The following DIP2B variants were observed in gnomAD, a reference collection of about 807,000 sequenced individuals.
The protein encoded by DIP2B is DIP2 acetate--CoA ligase B (putative).
In DIP2B, 76 loss-of-function variants were observed where a neutral mutation model predicts 198.0. The observed-to-expected ratio is 0.38, with a 90% CI of 0.32 to 0.46. DIP2B has a LOEUF of 0.46. Ranked by LOEUF, DIP2B falls within the 20% of genes least tolerant of loss-of-function variation. The probability of loss-of-function intolerance (pLI) is 0.99; values close to 1 mark genes in which losing one functional copy is unlikely to be tolerated. For synonymous variants in DIP2B, 701 were observed against 739.1 expected (o/e 0.95, Z 0.84); for missense variants, 1,559 against 1,978.4 (o/e 0.79, Z 4.02).
At chr12:50,616,331 G>A (rs1182829699) in intron 1 of DIP2B, among the ~76,000 whole-genome samples, 1 of 152,210 alleles carries the variant, frequency 6.6e-6, no homozygotes, top group Admixed American at 6.5e-5. Context: ...TGTAAGATTA[G>A]CAAAGTTGAG....
chr12:50,561,568 C>T (rs1958519637), intron 1 of DIP2B, among the ~76,000 whole-genome samples: 1 of 152,140 alleles, frequency 6.6e-6, no homozygotes, highest in South Asian at 2.1e-4. Context: ...GGAAACGATA[C>T]TCCCGAAGAT....
intron 1 of DIP2B, among the ~76,000 whole-genome samples, chr12:50,531,479 A>G (rs1958216568): frequency 1.3e-5 from 2 of 152,312 alleles, no homozygotes; most frequent in South Asian, 4.1e-4. Flanking sequence ...GAAGAGCAAA[A>G]CAACAAGGAG....
At chr12:50,584,091 ACT>A (rs1013814897) in intron 1 of DIP2B, among the ~76,000 whole-genome samples, 1 of 151,150 alleles carries the variant, frequency 6.6e-6, no homozygotes, top group African/African-American at 2.4e-5. Context: ...CTTTATTTAC[ACT>A]CTCTCCCATG....
chr12:50,743,734 G>C (rs955508755), intron 37 of DIP2B: 2 of 152,102 alleles, frequency 1.3e-5, no homozygotes, highest in Admixed American at 6.5e-5. Flanking sequence ...CAAATAACAG[G>C]CTCCCTTCAA....
intron 1 of DIP2B, among the ~76,000 whole-genome samples, chr12:50,591,501 G>A (rs1565836140): frequency 1.3e-5 from 2 of 151,914 alleles, no homozygotes; most frequent in African/African-American, 4.8e-5. Flanking sequence ...ACAGTGGCAT[G>A]ATCTCAGCTC....
At chr12:50,640,914 A>G (rs1233812934) in intron 3 of DIP2B, 62 bp downstream of exon 3, 7 of 1,546,790 alleles carry the variant, frequency 4.5e-6, no homozygotes, top group South Asian at 1.2e-5. Context: ...TGAACTGTGT[A>G]TCCTGAGAGC....
At chr12:50,523,859 T>C (rs1367255940) in intron 1 of DIP2B, among the ~76,000 whole-genome samples, 1 of 152,182 alleles carries the variant, frequency 6.6e-6, no homozygotes, top group Non-Finnish European at 1.5e-5. Flanking sequence ...TAGGACTCCA[T>C]AGGACATCAG....
intron 4 of DIP2B, among the ~76,000 whole-genome samples, chr12:50,663,253 G>A (rs911859018): frequency 1.3e-5 from 2 of 151,314 alleles, no homozygotes; most frequent in African/African-American, 2.4e-5. Flanking sequence ...AGTGAACCCC[G>A]TCTCTACTAA....
chr12:50,646,576 C>T lies in DIP2B; in HGVS notation c.301+5724C>T, dbSNP rs551703917. Among the ~76,000 whole-genome samples the T allele has an allele frequency of 7.2e-5, 11 of 152,162 alleles. No homozygotes were observed. The South Asian group carries it at 1.2e-3, about 17-fold the overall frequency. ...AGCTAGGATTACAGGCACATACCAC[C>T]GTGCCCAGCTAATTTTTGTATTTTT... On this transcript the variant is annotated intron_variant, in intron 3 of 37. Coordinates refer to ENST00000301180, the MANE Select transcript of DIP2B (RefSeq NM_173602.3).
intron 4 of DIP2B, among the ~76,000 whole-genome samples, chr12:50,662,832 G>A (rs112412950): frequency 2.0e-5 from 3 of 152,088 alleles, no homozygotes; most frequent in Admixed American, 6.6e-5. Context: ...GACCTAAAGC[G>A]GGGTACGGTG....
At chr12:50,698,976 A>G (rs1939368029) in intron 18 of DIP2B, 90 bp from the exon 19 acceptor site, 1 of 1,470,672 alleles carries the variant, frequency 6.8e-7, no homozygotes. Context: ...CAGTAAAGGC[A>G]GGACTTTCTT....
Position 50,699,030 on chromosome 12 carries a change from A to G in DIP2B, c.2189-36A>G, listed in dbSNP as rs753824932. 25 of 1,602,454 alleles carry G rather than the reference A, an allele frequency of 1.6e-5. No individual in the cohort carries two copies. The African/African-American group carries it at 2.8e-4, about 18-fold the overall frequency. ...TGTTATTTTACAAAAGTTTTCTAGA[A>G]TCTTTGTCCTTTAACCTGTATTTTC... On this transcript the variant is annotated intron_variant, in intron 18 of 37. Transcript: ENST00000301180.
At chr12:50,658,976 A>G (rs1389399990) in intron 3 of DIP2B, among the ~76,000 whole-genome samples, 1 of 152,168 alleles carries the variant, frequency 6.6e-6, no homozygotes, top group Non-Finnish European at 1.5e-5. Flanking sequence ...AGTCCCAGCT[A>G]CTTGGGAGGC....
chr12:50,634,519 A>C (rs1938121894), intron 2 of DIP2B, among the ~76,000 whole-genome samples: 1 of 152,230 alleles, frequency 6.6e-6, no homozygotes, highest in South Asian at 2.1e-4. Context: ...TTTCGACACC[A>C]AGGAGACAGC....
chr12:50,543,546 C>T (rs144298099), intron 1 of DIP2B, among the ~76,000 whole-genome samples: 2,082 of 152,040 alleles, frequency 0.014, 42 homozygotes, highest in African/African-American at 0.047. Context: ...GCCTCGGCCT[C>T]CCAAAGTGCT....
In DIP2B at chr12:50,732,377, C is replaced by T. The variant is rs766420539; in HGVS notation, c.3822C>T (p.Ile1274=). The change falls in exon 32 of 38, where the codon ATC becomes ATT. Residue 1274 remains isoleucine (I), a synonymous_variant. Transcript: ENST00000301180. ...NQVEVLKTRG[I]NLSCVRTCVV... ...ATGGTGTCTTGCAGACCAGAGGGAT[C>T]AACCTCTCCTGCGTCCGGACCTGTG... The T allele has an allele frequency of 6.2e-7, 1 of 1,614,210 alleles. No individual in the cohort carries two copies. The highest frequency in any genetic ancestry group is 1.1e-5 in the South Asian group (1 of 91,082).
intron 3 of DIP2B, among the ~76,000 whole-genome samples, chr12:50,643,638 T>C (rs1401183914): frequency 6.6e-6 from 1 of 152,076 alleles, no homozygotes; most frequent in Non-Finnish European, 1.5e-5. Flanking sequence ...TAGGAATTGC[T>C]CAACTAAATA....
chr12:50,519,379 G>T (rs1388093405), intron 1 of DIP2B, among the ~76,000 whole-genome samples: 3 of 152,134 alleles, frequency 2.0e-5, no homozygotes, highest in Non-Finnish European at 4.4e-5. Flanking sequence ...GGGATTACAG[G>T]CATGAGCCAC....
intron 1 of DIP2B, among the ~76,000 whole-genome samples, chr12:50,600,968 C>T (rs1958931195): frequency 6.9e-6 from 1 of 145,762 alleles, no homozygotes; most frequent in Admixed American, 7.1e-5. Context: ...GTGTAGTTCA[C>T]ATCTCACATT....
Sources: gnomAD v4.1 joint callset for allele counts (sites outside exome capture counted in the v4.1 genomes callset) on GRCh38, gnomAD v4.1.1 for gene constraint, MANE v1.5 for transcripts, NCBI Gene and HGNC (gene_info 2026-07-23, HGNC 2026-07-21) for gene names.